Variants in UMAD1 observed in about 807,000 individuals in gnomAD.
UMAD1 encodes the protein UBAP1-MVB12-associated (UMA)-domain containing protein 1.
In UMAD1, 8 loss-of-function variants were observed where a neutral mutation model predicts 6.1. That is an observed-to-expected ratio of 1.30 (90% confidence interval 0.76 to 2.35). UMAD1 has a LOEUF of 2.35. Among genes scored for constraint, UMAD1 ranks in the 30% most tolerant of loss-of-function variants. The pLI is 0.00. For synonymous variants in UMAD1, 56 were observed against 31.4 expected (o/e 1.78, Z -2.61); for missense variants, 130 against 78.4 (o/e 1.66, Z -2.49).
At chr7:7,746,043 G>T (rs1781566947) in intron 2 of UMAD1, among the ~76,000 whole-genome samples, 1 of 152,168 alleles carries the variant, frequency 6.6e-6, no homozygotes, top group Non-Finnish European at 1.5e-5. Flanking sequence ...GCCAATTGGT[G>T]CCTTTCTGAA....
chr7:7,798,275 T>G (rs1782727010), intron 2 of UMAD1, among the ~76,000 whole-genome samples: 1 of 152,214 alleles, frequency 6.6e-6, no homozygotes, highest in African/African-American at 2.4e-5. Flanking sequence ...CATCAGTCCT[T>G]TAAGTTCTGA....
Position 7,758,717 on chromosome 7 carries a change from T to C in UMAD1, c.83-42953T>C, listed in dbSNP as rs1781828645. ...TGCAATTTACCTTCTTATTCAATGT[T>C]GCATTTTTCAGATTTATACATGTTG... is the stretch of plus-strand genomic sequence containing the variant. On this transcript the variant is annotated intron_variant, in intron 2 of 3. Transcript: ENST00000682710. Among the ~76,000 whole-genome samples the C allele has an allele frequency of 1.3e-5, 2 of 152,274 alleles. 1 individual carries two copies. Among genetic ancestry groups the C allele is most frequent in the South Asian group, 4.1e-4 (2 of 4,836 alleles).
In UMAD1 at chr7:7,788,334, G is replaced by A. The variant is rs75901447; in HGVS notation, c.83-13336G>A. ...TTGTTAGCTGGTTGAAATCTGGGTT[G>A]GGGAATATTTTAGGCTAAGAGTGGT... On this transcript the variant is annotated intron_variant, in intron 2 of 3. Coordinates refer to ENST00000682710, the MANE Select transcript of UMAD1 (RefSeq NM_001302348.2). Among the ~76,000 whole-genome samples the A allele has an allele frequency of 3.9e-5, 6 of 152,210 alleles. No individual in the cohort carries two copies. The East Asian group carries it at 1.2e-3, about 29-fold the overall frequency.
chr7:7,693,033 T>A (rs1254196318), intron 2 of UMAD1, among the ~76,000 whole-genome samples: 2 of 152,202 alleles, frequency 1.3e-5, no homozygotes, highest in Non-Finnish European at 2.9e-5. Context: ...TAATTTAATC[T>A]TTTTTCTTCC....
intron 2 of UMAD1, among the ~76,000 whole-genome samples, chr7:7,750,120 C>G (rs1781649871): frequency 6.6e-6 from 1 of 152,116 alleles, no homozygotes; most frequent in African/African-American, 2.4e-5. Flanking sequence ...ATAATAACTT[C>G]TATGCATTAA....
intron 2 of UMAD1, chr7:7,738,622 T>C (rs1205318394): frequency 6.6e-6 from 1 of 152,256 alleles, no homozygotes; most frequent in Non-Finnish European, 1.5e-5. Flanking sequence ...TTGCCCTCTT[T>C]CTGGGATACT....
intron 2 of UMAD1, among the ~76,000 whole-genome samples, chr7:7,703,244 C>G (rs778912299): frequency 6.6e-6 from 1 of 152,134 alleles, no homozygotes; most frequent in Non-Finnish European, 1.5e-5. Context: ...AATGTGCTTA[C>G]AGTGAGGCTT....
chr7:7,854,724 C>T (rs921117712), intron 3 of UMAD1, among the ~76,000 whole-genome samples: 1 of 152,170 alleles, frequency 6.6e-6, no homozygotes, highest in Admixed American at 6.5e-5. Flanking sequence ...CCTCACATTT[C>T]AAAACACAAT....
intron 2 of UMAD1, among the ~76,000 whole-genome samples, chr7:7,732,754 G>A (rs904489512): frequency 1.9e-4 from 29 of 152,304 alleles, no homozygotes; most frequent in African/African-American, 6.7e-4. Context: ...ATATAGTTCA[G>A]TGGGATAGGT....
chr7:7,836,117 T>C (rs1783563411), intron 3 of UMAD1, among the ~76,000 whole-genome samples: 1 of 152,108 alleles, frequency 6.6e-6, no homozygotes, highest in Admixed American at 6.5e-5. Context: ...TAGGTTTTCT[T>C]AGCTACAATA....
At chr7:7,711,904 T>G (rs976749949) in intron 2 of UMAD1, among the ~76,000 whole-genome samples, 9 of 152,174 alleles carry the variant, frequency 5.9e-5, no homozygotes, top group African/African-American at 2.2e-4. Flanking sequence ...AGCATCTTCT[T>G]ATAGCTCTAT....
At position 7,830,754 on chromosome 7, in the gene UMAD1, A is replaced by G. The variant is rs984300075; in HGVS notation, c.156+29011A>G. On this transcript the variant is annotated intron_variant, in intron 3 of 3. Transcript: ENST00000682710. This position sits in a 1 kb window ranked among gnomAD's most constrained non-coding sequence, Gnocchi z 5.3. ...GTTTTGAGTCAATATAAATAAACAC[A>G]TAGACTAAGTTCTATGAATCTTTAC... 3.9e-5 allele frequency among the ~76,000 whole-genome samples: 6 copies of G among 152,190 alleles called. No individual in the cohort carries two copies. The highest frequency in any genetic ancestry group is 9.6e-5 in the African/African-American group (4 of 41,456).
chr7:7,780,453 A>G (rs1782322001), intron 2 of UMAD1, among the ~76,000 whole-genome samples: 1 of 152,202 alleles, frequency 6.6e-6, no homozygotes, highest in African/African-American at 2.4e-5. Context: ...AATATTAGGG[A>G]CTTTCTTTTT....
chr7:7,691,756 C>T (rs1158265292), intron 2 of UMAD1, among the ~76,000 whole-genome samples: 6 of 152,202 alleles, frequency 3.9e-5, no homozygotes, highest in Admixed American at 2.6e-4. Flanking sequence ...TAATCTTTAT[C>T]GAATTAAAAT....
intron 2 of UMAD1, among the ~76,000 whole-genome samples, chr7:7,743,870 A>G (rs1254653047): frequency 1.3e-5 from 2 of 152,066 alleles, no homozygotes; most frequent in Non-Finnish European, 2.9e-5. Context: ...GTCTATTTCT[A>G]AAGCTTTTCC....
chr7:7,658,884 C>G (rs997212947), intron 1 of UMAD1, among the ~76,000 whole-genome samples: 1 of 152,112 alleles, frequency 6.6e-6, no homozygotes, highest in East Asian at 1.9e-4. Context: ...GGAATGGTAC[C>G]AGCTCCTGTT....
intron 2 of UMAD1, among the ~76,000 whole-genome samples, chr7:7,755,921 G>T (rs570434665): frequency 6.6e-6 from 1 of 152,170 alleles, no homozygotes; most frequent in African/African-American, 2.4e-5. Context: ...TATGGTGATG[G>T]TTATAAATAT....
intron 2 of UMAD1, among the ~76,000 whole-genome samples, chr7:7,707,212 C>T (rs1780627002): frequency 6.6e-6 from 1 of 152,082 alleles, no homozygotes; most frequent in African/African-American, 2.4e-5. Flanking sequence ...GTCTGTACAG[C>T]AAAGATTATA....
In UMAD1 at chr7:7,847,103, AAATATATATATATATAT is replaced by A. The variant is rs1196124121; in HGVS notation, c.157-30176_157-30160del. On this transcript the variant is annotated intron_variant, in intron 3 of 3. Transcript: ENST00000682710. Reference sequence around the variant, plus strand: ...ACAGCAATGCAAAAAAAAAAAAAAAAAATATATATATATATATATATATATATATATATATATATATA... The same window carrying A: ...ACAGCAATGCAAAAAAAAAAAAAAAAATATATATATATATATATATATATA... Among the ~76,000 whole-genome samples, 26 of 20,766 alleles carry A rather than the reference AAATATATATATATATAT, an allele frequency of 1.3e-3. 3 individuals are homozygous for A. The highest frequency in any genetic ancestry group is 8.2e-3 in the African/African-American group (22 of 2,692). 13.6% of individuals were successfully genotyped at this position (20,766 alleles called of 152,430 possible).
Sources: allele counts gnomAD v4.1 joint callset (sites outside exome capture counted in the v4.1 genomes callset), GRCh38; gene constraint gnomAD v4.1.1; non-coding constraint Gnocchi (gnomAD v3.1); transcripts MANE v1.5; gene names NCBI Gene and HGNC (gene_info 2026-07-23, HGNC 2026-07-21).